UMAD1: variants seen among roughly 807,000 people sequenced by gnomAD.
UMAD1 encodes the protein UBAP1-MVB12-associated (UMA)-domain containing protein 1.
In UMAD1, 8 loss-of-function variants were observed where a neutral mutation model predicts 6.1. The ratio of observed to expected loss-of-function variants is 1.30; its 90% CI spans 0.76 to 2.35. The LOEUF (loss-of-function observed/expected upper bound fraction) is 2.35. UMAD1 is among the 30% of genes most tolerant of loss of function. The pLI, the probability that UMAD1 is intolerant of heterozygous loss-of-function variation, is 0.00. For missense variants in UMAD1, 130 were observed against 78.4 expected, an observed-to-expected ratio of 1.66 and a Z score of -2.49; for synonymous variants, 56 against 31.4, an observed-to-expected ratio of 1.78 and a Z score of -2.61.
At position 7,741,583 on chromosome 7, in the gene UMAD1, ATAATAAT is replaced by A. The variant is rs1563169740; in HGVS notation, c.83-60086_83-60080del. Among the ~76,000 whole-genome samples, 719 of 74,110 alleles carry A rather than the reference ATAATAAT, an allele frequency of 9.7e-3. 11 individuals are homozygous for A. The highest frequency in any genetic ancestry group is 0.045 in the South Asian group (127 of 2,796). The allele number at this position is 74,110 out of a possible 152,430, so 48.6% of individuals were successfully genotyped here. A position where few individuals can be genotyped will look rare whatever the true frequency, so the allele number is the denominator to read the frequency against. ...CAGAGCGAGACAACGTCTCAAAATA[ATAATAAT>A]AATAATAATAATAATAATAATAATA... On this transcript the variant is annotated intron_variant, in intron 2 of 3. Transcript: ENST00000682710.
At chr7:7,659,794 T>G (rs916239928) in intron 1 of UMAD1, among the ~76,000 whole-genome samples, 2 of 152,052 alleles carry the variant, frequency 1.3e-5, no homozygotes, top group Non-Finnish European at 2.9e-5. Flanking sequence ...TGGGGTGGAG[T>G]GTTCTGTAGA....
chr7:7,646,301 G>C (rs1274922093), intron 1 of UMAD1, among the ~76,000 whole-genome samples: 1 of 84,670 alleles, frequency 1.2e-5, no homozygotes, highest in African/African-American at 4.1e-5. Context: ...GATACGGTTT[G>C]GCTGTGCCCC....
chr7:7,790,136 C>A (rs574556869), intron 2 of UMAD1, among the ~76,000 whole-genome samples: 1 of 152,278 alleles, frequency 6.6e-6, no homozygotes. Flanking sequence ...AAAGTGTTGT[C>A]CATGTACCAC....
chr7:7,761,363 T>TAAAAAAAAAA (rs375910269), intron 2 of UMAD1, among the ~76,000 whole-genome samples: 2 of 121,150 alleles, frequency 1.7e-5, no homozygotes, highest in Non-Finnish European at 1.7e-5. Context: ...GAGACCTAAC[T>TAAAAAAAAAA]AAAAAAAAAA....
chr7:7,838,853 T>C (rs1783621487), intron 3 of UMAD1, among the ~76,000 whole-genome samples: 3 of 152,246 alleles, frequency 2.0e-5, no homozygotes, highest in Middle Eastern at 3.4e-3. Flanking sequence ...ATAAATACAA[T>C]TATGAAATTC....
chr7:7,729,315 T>G (rs1781201056), intron 2 of UMAD1, among the ~76,000 whole-genome samples: 1 of 152,210 alleles, frequency 6.6e-6, no homozygotes, highest in African/African-American at 2.4e-5. Flanking sequence ...TGTCTTCATC[T>G]TAAGAGCCAT....
At chr7:7,853,204 C>T (rs1783952379) in intron 3 of UMAD1, among the ~76,000 whole-genome samples, 1 of 152,232 alleles carries the variant, frequency 6.6e-6, no homozygotes, top group African/African-American at 2.4e-5. Context: ...CTGCTTATGT[C>T]AATACCACAG....
intron 1 of UMAD1, among the ~76,000 whole-genome samples, chr7:7,654,284 C>T (rs1394431232): frequency 6.6e-6 from 1 of 152,128 alleles, no homozygotes; most frequent in Admixed American, 6.5e-5. Context: ...GTCTGTTTTA[C>T]CCAAGTGAGG....
intron 2 of UMAD1, among the ~76,000 whole-genome samples, chr7:7,770,569 A>G (rs1480088429): frequency 6.6e-6 from 1 of 152,198 alleles, no homozygotes; most frequent in Non-Finnish European, 1.5e-5. Context: ...AGAAAAGACC[A>G]GTTAGGAGGG....
chr7:7,838,028 T>C (rs1224601965), intron 3 of UMAD1, among the ~76,000 whole-genome samples: 1 of 151,942 alleles, frequency 6.6e-6, no homozygotes, highest in African/African-American at 2.4e-5. Context: ...CAGACTAAAA[T>C]TATATAAAGT....
At chr7:7,685,150 T>A (rs539978528) in intron 2 of UMAD1, among the ~76,000 whole-genome samples, 1 of 152,252 alleles carries the variant, frequency 6.6e-6, no homozygotes, top group East Asian at 1.9e-4. Context: ...TATGAGTAAT[T>A]CATATAGGGT....
At chr7:7,727,265 A>T (rs1230146676) in intron 2 of UMAD1, among the ~76,000 whole-genome samples, 2 of 152,104 alleles carry the variant, frequency 1.3e-5, no homozygotes, top group African/African-American at 4.8e-5. Flanking sequence ...AAATGCCTTC[A>T]TTTTCCTTTT....
chr7:7,813,011 G>T (rs1358167699), intron 3 of UMAD1, among the ~76,000 whole-genome samples: 1 of 152,010 alleles, frequency 6.6e-6, no homozygotes, highest in Non-Finnish European at 1.5e-5. Context: ...TAACATGTAG[G>T]TATGCACCTG....
At chr7:7,808,531 G>A (rs1422954519) in intron 3 of UMAD1, among the ~76,000 whole-genome samples, 1 of 151,962 alleles carries the variant, frequency 6.6e-6, no homozygotes, top group Non-Finnish European at 1.5e-5. Flanking sequence ...GAGAATGTTA[G>A]TTTTAGTTTT....
intron 2 of UMAD1, among the ~76,000 whole-genome samples, chr7:7,773,336 T>C (rs1305243854): frequency 1.3e-5 from 2 of 152,220 alleles, no homozygotes; most frequent in African/African-American, 2.4e-5. Flanking sequence ...GAGAAAATTA[T>C]ACTTTTCTTG....
intron 2 of UMAD1, among the ~76,000 whole-genome samples, chr7:7,724,397 A>G (rs998288561): frequency 4.6e-5 from 7 of 152,194 alleles, no homozygotes; most frequent in African/African-American, 1.7e-4. Context: ...CATAATTGGC[A>G]TAGACACACT....
At chr7:7,732,758 G>A (rs1444213620) in intron 2 of UMAD1, among the ~76,000 whole-genome samples, 1 of 152,204 alleles carries the variant, frequency 6.6e-6, no homozygotes, top group Admixed American at 6.5e-5. Context: ...AGTTCAGTGG[G>A]ATAGGTCAAG....
chr7:7,733,725 A>G (rs2115194697), intron 2 of UMAD1, among the ~76,000 whole-genome samples: 1 of 151,484 alleles, frequency 6.6e-6, no homozygotes, highest in South Asian at 2.1e-4. Context: ...ATTTATAATA[A>G]TATATGACTT....
chr7:7,682,572 G>C (rs1466282818), intron 2 of UMAD1, among the ~76,000 whole-genome samples: 1 of 152,136 alleles, frequency 6.6e-6, no homozygotes, highest in Admixed American at 6.5e-5. Context: ...ATTCTGTCTA[G>C]GGTTGAAGGC....
Sources: gnomAD v4.1 joint callset for allele counts (sites outside exome capture counted in the v4.1 genomes callset) on GRCh38, gnomAD v4.1.1 for gene constraint, MANE v1.5 for transcripts, NCBI Gene and HGNC (gene_info 2026-07-23, HGNC 2026-07-21) for gene names.